Variants in SYAP1 observed in about 807,000 individuals in gnomAD.
The protein encoded by SYAP1 is synapse-associated protein 1.
SYAP1 carries 3 observed loss-of-function variants against 29.6 expected under a neutral mutation model. The ratio of observed to expected loss-of-function variants is 0.10; its 90% CI spans 0.05 to 0.26. The LOEUF (loss-of-function observed/expected upper bound fraction) is 0.26, where lower values mean the gene tolerates loss of function less well. Ranked by LOEUF, SYAP1 falls within the 10% of genes least tolerant of loss-of-function variation. SYAP1 has a pLI of 1.00. For synonymous variants in SYAP1, 102 were observed against 102.7 expected (o/e 0.99, Z 0.04); for missense variants, 217 against 264.1 (o/e 0.82, Z 1.24).
chrX:16,723,702 A>G (rs1165305620), intron 1 of SYAP1, among the ~76,000 whole-genome samples: 2 of 112,464 alleles, frequency 1.8e-5, no homozygotes. Context: ...TTGCCACTGT[A>G]TGCTTATTCT....
At chrX:16,739,668 A>G in intron 3 of SYAP1, among the ~76,000 whole-genome samples, 1 of 110,269 alleles carries the variant, frequency 9.1e-6, no homozygotes, top group Non-Finnish European at 1.9e-5. Flanking sequence ...TGTTTCCTTC[A>G]GGCATAGGTG....
At position 16,764,006 on chromosome X, in the gene SYAP1, C is replaced by T. The variant is rs1440713633; in HGVS notation, c.*3647C>T. The T allele has an allele frequency of 9.1e-6, 1 of 109,972 alleles. No homozygotes were observed. The highest frequency in any genetic ancestry group is 1.9e-5 in the Non-Finnish European group (1 of 52,842). The allele number at this position is 109,972 out of a possible 1,213,427, so 9.1% of individuals were successfully genotyped here. ...TCTCCTGCCTCAGCCTCCCTAGTAGCTGGGATTATAGGCATGTGCCACCAC... is the reference window on the plus strand; with the variant it reads ...TCTCCTGCCTCAGCCTCCCTAGTAGTTGGGATTATAGGCATGTGCCACCAC... On this transcript the variant is annotated 3_prime_UTR_variant, in exon 9 of 9. Coordinates refer to ENST00000380155, the MANE Select transcript of SYAP1 (RefSeq NM_032796.4).
chrX:16,741,740 A>G lies in SYAP1; in HGVS notation c.386A>G (p.Asp129Gly). The G allele has an allele frequency of 8.3e-7, 1 of 1,207,488 alleles. No individual in the cohort carries two copies. Among genetic ancestry groups the G allele is most frequent in the Non-Finnish European group, 1.1e-6 (1 of 893,655 alleles). The change falls in exon 4 of 9, where the codon GAC (aspartate) becomes GGC (glycine). Residue 129 changes from aspartate to glycine, a missense_variant. Coordinates refer to ENST00000380155, the MANE Select transcript of SYAP1 (RefSeq NM_032796.4). ...GAAGCAGCTGTGCCCCCATGGGTTG[A>G]CACTAACGATGAAGAAACAATTCAA... ...KSEAAVPPWVDTNDEETIQQQ... is the reference protein window; with the variant it reads ...KSEAAVPPWVGTNDEETIQQQ...
intron 5 of SYAP1, among the ~76,000 whole-genome samples, chrX:16,749,879 C>G (rs1926689905): frequency 9.7e-6 from 1 of 102,962 alleles, no homozygotes; most frequent in African/African-American, 3.6e-5. Context: ...CCACTGCACT[C>G]CAGCCTGGGT....
chrX:16,726,956 AGGAAAAATGG>A (rs1926093185), intron 1 of SYAP1, among the ~76,000 whole-genome samples: 1 of 112,110 alleles, frequency 8.9e-6, no homozygotes, highest in Non-Finnish European at 1.9e-5. Context: ...ATTTCCAAAT[AGGAAAAATGG>A]GGAAAAAGGA....
chrX:16,742,618 T>A (rs184356940), intron 4 of SYAP1, among the ~76,000 whole-genome samples: 206 of 111,622 alleles, frequency 1.8e-3, no homozygotes, highest in African/African-American at 6.3e-3. Flanking sequence ...TTTTGTTTTG[T>A]TTTGTTTTTG....
intron 1 of SYAP1, among the ~76,000 whole-genome samples, chrX:16,724,928 G>A (rs1926052776): frequency 9.0e-6 from 1 of 111,649 alleles, no homozygotes; most frequent in Non-Finnish European, 1.9e-5. Flanking sequence ...ATTCTCTGGG[G>A]CTGGCCACAT....
chrX:16,750,135 C>T lies in SYAP1; in HGVS notation c.576-4810C>T, dbSNP rs775382302. On this transcript the variant is annotated intron_variant, in intron 5 of 8. Coordinates refer to ENST00000380155, the MANE Select transcript of SYAP1 (RefSeq NM_032796.4). Reference sequence around the variant, plus strand: ...ATACCCTTTGGTTTGTCAGTGTCATCGTTAAAGTGAGTCCTCAGGAGTGAA... The same window carrying T: ...ATACCCTTTGGTTTGTCAGTGTCATTGTTAAAGTGAGTCCTCAGGAGTGAA... Among the ~76,000 whole-genome samples, 4 of 111,035 alleles carry T rather than the reference C, an allele frequency of 3.6e-5. No individual in the cohort carries two copies. The East Asian group carries it at 1.1e-3, about 31-fold the overall frequency.
chrX:16,742,429 G>A (rs1214865926), intron 4 of SYAP1, among the ~76,000 whole-genome samples: 1 of 109,352 alleles, frequency 9.1e-6, no homozygotes, highest in Non-Finnish European at 1.9e-5. Flanking sequence ...TGGGATTATA[G>A]GCGTGAGCTA....
intron 1 of SYAP1, among the ~76,000 whole-genome samples, chrX:16,722,975 G>C (rs978244233): frequency 2.7e-5 from 3 of 112,522 alleles, no homozygotes; most frequent in African/African-American, 9.7e-5. Flanking sequence ...ATCTGAATCA[G>C]TCACACAGTT....
intron 3 of SYAP1, among the ~76,000 whole-genome samples, chrX:16,736,965 A>G (rs926850172): frequency 8.9e-6 from 1 of 111,965 alleles, no homozygotes; most frequent in Non-Finnish European, 1.9e-5. Flanking sequence ...AGAGGGCCGT[A>G]AAGAGTCTCG....
At chrX:16,727,358 T>C (rs1232507664) in intron 1 of SYAP1, among the ~76,000 whole-genome samples, 1 of 106,105 alleles carries the variant, frequency 9.4e-6, no homozygotes, top group African/African-American at 3.4e-5. Flanking sequence ...TTTTTTTTTT[T>C]TTGAGACAGA....
intron 1 of SYAP1, among the ~76,000 whole-genome samples, chrX:16,728,056 C>T: frequency 8.9e-6 from 1 of 112,159 alleles, no homozygotes; most frequent in East Asian, 2.8e-4. Context: ...AACAAATATG[C>T]TCCACATTTT....
At chrX:16,739,050 G>A (rs756003012) in intron 3 of SYAP1, among the ~76,000 whole-genome samples, 1 of 111,141 alleles carries the variant, frequency 9.0e-6, no homozygotes, top group African/African-American at 3.3e-5. Context: ...ATCTTAGGAG[G>A]GCCTCATTAT....
intron 5 of SYAP1, among the ~76,000 whole-genome samples, chrX:16,753,875 G>T (rs1926788511): frequency 9.0e-6 from 1 of 110,619 alleles, no homozygotes; most frequent in Admixed American, 9.7e-5. Flanking sequence ...GCATGTGGCT[G>T]ATCTGTCATT....
intron 5 of SYAP1, among the ~76,000 whole-genome samples, chrX:16,750,377 A>G (rs137978074): frequency 8.9e-6 from 1 of 111,922 alleles, no homozygotes; most frequent in East Asian, 2.8e-4. Context: ...TTGTGTGGCC[A>G]CATGAGTTTG....
intron 4 of SYAP1, among the ~76,000 whole-genome samples, chrX:16,742,504 T>C (rs1396663800): frequency 8.9e-6 from 1 of 111,844 alleles, no homozygotes; most frequent in African/African-American, 3.3e-5. Context: ...GCCAGGCTGG[T>C]CTCGAGCTCC....
chrX:16,724,870 G>C (rs1926051296), intron 1 of SYAP1, among the ~76,000 whole-genome samples: 1 of 112,243 alleles, frequency 8.9e-6, no homozygotes, highest in African/African-American at 3.2e-5. Context: ...CAGAGATCCT[G>C]ACAGAGGTAG....
At chrX:16,740,319 T>G (rs1284216905) in intron 3 of SYAP1, among the ~76,000 whole-genome samples, 2 of 107,281 alleles carry the variant, frequency 1.9e-5, no homozygotes, top group African/African-American at 6.9e-5. Flanking sequence ...CCCTATTGTT[T>G]ACTGCCTCCA....
Sources: allele counts gnomAD v4.1 joint callset (sites outside exome capture counted in the v4.1 genomes callset), GRCh38; gene constraint gnomAD v4.1.1; transcripts MANE v1.5; gene names NCBI Gene and HGNC (gene_info 2026-07-23, HGNC 2026-07-21).